Variants in ZC3H18 observed in about 807,000 individuals in gnomAD.
ZC3H18 encodes the protein zinc finger CCCH-type containing 18.
In ZC3H18, 8 loss-of-function variants were observed where a neutral mutation model predicts 106.1. The observed-to-expected ratio is 0.08, with a 90% CI of 0.04 to 0.14. The LOEUF (loss-of-function observed/expected upper bound fraction) is 0.14, where lower values mean the gene tolerates loss of function less well. Among genes scored for constraint, ZC3H18 ranks in the 10% least tolerant of loss-of-function variants. The probability of loss-of-function intolerance (pLI) is 1.00; values close to 1 mark genes in which losing one functional copy is unlikely to be tolerated. For missense variants in ZC3H18, 1,318 were observed against 1,278.4 expected (o/e 1.03, Z -0.47); for synonymous variants, 635 against 522.1 (o/e 1.22, Z -2.95).
In ZC3H18 at chr16:88,609,964, G is replaced by C. The variant is rs368001843; in HGVS notation, c.1206+913G>C. ...CTGATGCCTGTGTCCAGGGGTGCCTGCGTCTCCCTGCTCGGGCGTGTCACT... is the reference window on the plus strand; with the variant it reads ...CTGATGCCTGTGTCCAGGGGTGCCTCCGTCTCCCTGCTCGGGCGTGTCACT... On this transcript the variant is annotated intron_variant, in intron 7 of 17. Coordinates refer to ENST00000301011, the MANE Select transcript of ZC3H18 (RefSeq NM_144604.4). Among the ~76,000 whole-genome samples, 78 of 152,162 alleles carry C rather than the reference G, an allele frequency of 5.1e-4. No individual in the cohort carries two copies. In the Middle Eastern group the frequency reaches 0.017, roughly 33 times the overall value.
chr16:88,583,886 C>T (rs1006077976), intron 2 of ZC3H18, among the ~76,000 whole-genome samples: 6 of 152,094 alleles, frequency 3.9e-5, no homozygotes, highest in African/African-American at 7.2e-5. Flanking sequence ...CTCTGTGGCT[C>T]GGGTCACATG....
rs750332456 is a variant in ZC3H18 at position 88,608,937 on chromosome 16, C to T, written c.1092C>T (p.Leu364=). The change falls in exon 7 of 18, where the codon CTC becomes CTT. Residue 364 remains leucine, a synonymous_variant. Coordinates refer to ENST00000301011, the MANE Select transcript of ZC3H18 (RefSeq NM_144604.4). ...RIPRDVRDTV[L]EPYADPYYDY... is the part of the protein sequence containing the mutation. Reference sequence around the variant, plus strand: ...CTTTTTCATTGGCCCTTTTCAGACTCGAGCCTTACGCAGACCCTTATTATG... The same window carrying T: ...CTTTTTCATTGGCCCTTTTCAGACTTGAGCCTTACGCAGACCCTTATTATG... The T allele has an allele frequency of 8.1e-6, 13 of 1,610,404 alleles. No homozygotes were observed. The highest frequency in any genetic ancestry group is 1.3e-5 in the African/African-American group (1 of 74,762).
At chr16:88,609,144 A>C in intron 7 of ZC3H18, 93 bp downstream of exon 7, 1 of 1,044,544 alleles carries the variant, frequency 9.6e-7, no homozygotes, top group East Asian at 2.5e-5. Context: ...AGGGCTTTAT[A>C]TGAGCTTATA....
chr16:88,593,018 T>C (rs1038026876), intron 3 of ZC3H18, among the ~76,000 whole-genome samples: 9 of 152,240 alleles, frequency 5.9e-5, no homozygotes, highest in Non-Finnish European at 1.3e-4. Context: ...GTTTAATTTA[T>C]AAGTTACGCA....
intron 7 of ZC3H18, chr16:88,609,314 T>C (rs1905163272): frequency 3.7e-6 from 1 of 269,608 alleles, no homozygotes; most frequent in Non-Finnish European, 7.3e-6. Flanking sequence ...TGTTTGTTTT[T>C]TGAGATAGGG....
chr16:88,607,377 G>A (rs1395256882), intron 6 of ZC3H18, among the ~76,000 whole-genome samples: 2 of 152,176 alleles, frequency 1.3e-5, no homozygotes, highest in African/African-American at 2.4e-5. Flanking sequence ...TTTTTCATGT[G>A]AACTTGGGTG....
chr16:88,625,306 C>A (rs775531904), intron 13 of ZC3H18, 39 bp downstream of exon 13: 12 of 1,558,896 alleles, frequency 7.7e-6, no homozygotes, highest in Non-Finnish European at 9.6e-6. Context: ...TCTCCCTCCC[C>A]GTCGGGGCCA....
At chr16:88,605,928 C>T (rs559645757) in intron 6 of ZC3H18, among the ~76,000 whole-genome samples, 5 of 152,364 alleles carry the variant, frequency 3.3e-5, no homozygotes, top group South Asian at 4.1e-4. Flanking sequence ...GTCCACTCCA[C>T]GTGCCAGTGC....
At chr16:88,577,084 GTCAA>G (rs1567574920) in intron 1 of ZC3H18, 22 bp from the exon 2 acceptor site, 1 of 1,501,812 alleles carries the variant, frequency 6.7e-7, no homozygotes, top group East Asian at 2.4e-5. Flanking sequence ...GCTAAAGGCT[GTCAA>G]TCTGTATTCT....
At chr16:88,581,180 A>G (rs920453189) in intron 2 of ZC3H18, among the ~76,000 whole-genome samples, 4 of 152,186 alleles carry the variant, frequency 2.6e-5, no homozygotes, top group Non-Finnish European at 5.9e-5. Context: ...CTTTTAATTT[A>G]AAAAACAGAT....
intron 8 of ZC3H18, among the ~76,000 whole-genome samples, 177 bp from the exon 9 acceptor site, chr16:88,622,020 G>A (rs1424740111): frequency 6.6e-6 from 1 of 152,194 alleles, no homozygotes; most frequent in Admixed American, 6.5e-5. Context: ...CATCACCCAA[G>A]TCCATGGGGT....
chr16:88,574,265 A>C (rs1914596542), intron 1 of ZC3H18, among the ~76,000 whole-genome samples: 1 of 152,010 alleles, frequency 6.6e-6, no homozygotes. Flanking sequence ...GCTGGAGTGC[A>C]GTGGTGTGAT....
At chr16:88,611,583 T>G in intron 8 of ZC3H18, 47 bp downstream of exon 8, 1 of 1,537,190 alleles carries the variant, frequency 6.5e-7, no homozygotes, top group African/African-American at 1.4e-5. Flanking sequence ...AGGTCCGGCA[T>G]GCAGCTCTGT....
intron 13 of ZC3H18, chr16:88,625,594 TTCCAG>T: frequency 2.8e-6 from 1 of 351,864 alleles, no homozygotes; most frequent in Non-Finnish European, 5.3e-6. Flanking sequence ...AGCCGGCAGC[TTCCAG>T]CCCAGCAGGG....
intron 3 of ZC3H18, among the ~76,000 whole-genome samples, chr16:88,597,554 C>T (rs530001881): frequency 9.1e-4 from 139 of 152,336 alleles, no homozygotes; most frequent in African/African-American, 3.2e-3. Context: ...TTATATTCTA[C>T]ACTTGAAAGT....
intron 2 of ZC3H18, among the ~76,000 whole-genome samples, chr16:88,578,810 C>T (rs769020385): frequency 6.6e-6 from 1 of 152,170 alleles, no homozygotes; most frequent in Non-Finnish European, 1.5e-5. Context: ...CCTGCCTCAG[C>T]CTCCTGAGTA....
At chr16:88,607,515 G>A (rs941278990) in intron 6 of ZC3H18, among the ~76,000 whole-genome samples, 14 of 152,350 alleles carry the variant, frequency 9.2e-5, no homozygotes, top group East Asian at 1.9e-4. Flanking sequence ...TGCAAGAGGC[G>A]TCTCCCCATT....
intron 2 of ZC3H18, among the ~76,000 whole-genome samples, chr16:88,578,455 T>C (rs982527030): frequency 1.3e-5 from 2 of 152,072 alleles, no homozygotes; most frequent in African/African-American, 4.8e-5. Flanking sequence ...AAAGTCCTCC[T>C]GAGTGATACT....
At chr16:88,605,825 A>C (rs1390171944) in intron 6 of ZC3H18, among the ~76,000 whole-genome samples, 1 of 152,258 alleles carries the variant, frequency 6.6e-6, no homozygotes, top group East Asian at 1.9e-4. Flanking sequence ...CTCCCTGGGC[A>C]AGGCTGTGGG....
Sources: gnomAD v4.1 joint callset for allele counts (sites outside exome capture counted in the v4.1 genomes callset) on GRCh38, gnomAD v4.1.1 for gene constraint, MANE v1.5 for transcripts, NCBI Gene and HGNC (gene_info 2026-07-23, HGNC 2026-07-21) for gene names.